Variants in SLC35F1 observed in about 807,000 individuals in gnomAD.
The protein encoded by SLC35F1 is chromosome 6 open reading frame 169.
A neutral mutation model predicts 48.7 loss-of-function variants in SLC35F1; 14 were observed. The observed-to-expected ratio is 0.29, with a 90% confidence interval of 0.19 to 0.45. The LOEUF (loss-of-function observed/expected upper bound fraction) is 0.45, where lower values mean the gene tolerates loss of function less well. Ranked by LOEUF, SLC35F1 falls within the 20% of genes least tolerant of loss-of-function variation. The pLI, the probability that SLC35F1 is intolerant of heterozygous loss-of-function variation, is 1.00. For synonymous variants in SLC35F1, 190 were observed against 202.2 expected (o/e 0.94, Z 0.51); for missense variants, 404 against 500.0 (o/e 0.81, Z 1.83).
At chr6:118,026,957 T>C (rs569323892) in intron 1 of SLC35F1, among the ~76,000 whole-genome samples, 42 of 152,240 alleles carry the variant, frequency 2.8e-4, no homozygotes, top group African/African-American at 9.9e-4. Flanking sequence ...AGTTTTCTGG[T>C]CCCTTTTGTT....
chr6:118,195,229 G>A (rs147651912), intron 2 of SLC35F1, among the ~76,000 whole-genome samples: 20 of 152,270 alleles, frequency 1.3e-4, no homozygotes, highest in Admixed American at 3.3e-4. Context: ...TGGTGCTGCC[G>A]TCTATTTCTT....
chr6:118,030,968 G>T (rs753768079), intron 1 of SLC35F1, among the ~76,000 whole-genome samples: 1 of 151,892 alleles, frequency 6.6e-6, no homozygotes, highest in Non-Finnish European at 1.5e-5. Context: ...TGAATAAACT[G>T]TAGTTTTTGA....
At chr6:118,029,857 A>T (rs556803050) in intron 1 of SLC35F1, among the ~76,000 whole-genome samples, 1 of 152,214 alleles carries the variant, frequency 6.6e-6, no homozygotes, top group Non-Finnish European at 1.5e-5. Context: ...GGGGAACTAT[A>T]GTATGCCACA....
intron 1 of SLC35F1, among the ~76,000 whole-genome samples, chr6:117,938,837 C>T (rs1263035399): frequency 6.6e-6 from 1 of 152,014 alleles, no homozygotes; most frequent in African/African-American, 2.4e-5. Context: ...TTACTGAATG[C>T]TATCCCCCTC....
At position 118,044,865 on chromosome 6, in the gene SLC35F1, C is replaced by G. The variant is rs564276747; in HGVS notation, c.174-109580C>G. ...GCACTTCATCGTGGCTCAGAATTAA[C>G]CTCTGTCTCTATGAGATGCAATCCT... On this transcript the variant is annotated intron_variant, in intron 1 of 7. Transcript: ENST00000360388. 2.6e-5 allele frequency among the ~76,000 whole-genome samples: 4 copies of G among 152,198 alleles called. No homozygotes were observed. In the South Asian group the frequency reaches 8.3e-4, roughly 32 times the overall value.
At chr6:118,055,159 G>C (rs1351228972) in intron 1 of SLC35F1, among the ~76,000 whole-genome samples, 1 of 152,052 alleles carries the variant, frequency 6.6e-6, no homozygotes, top group Non-Finnish European at 1.5e-5. Context: ...ATATTAGTAG[G>C]TGTTACTTTA....
chr6:117,914,589 A>C (rs1309236064), intron 1 of SLC35F1, among the ~76,000 whole-genome samples: 2 of 152,222 alleles, frequency 1.3e-5, no homozygotes, highest in Non-Finnish European at 2.9e-5. Context: ...CTGCTGGATC[A>C]CAATGGCTAG....
rs191308282 is a variant in SLC35F1 at position 118,065,562 on chromosome 6, A to C, written c.174-88883A>C. The stretch of plus-strand genomic sequence containing the variant: ...ATGTACCCCAAAAAGATGTACAACT[A>C]TGACATATCAATTTTTTTAAAAGCT... On this transcript the variant is annotated intron_variant, in intron 1 of 7. Coordinates refer to ENST00000360388, the MANE Select transcript of SLC35F1 (RefSeq NM_001029858.4). Among the ~76,000 whole-genome samples the C allele has an allele frequency of 6.6e-5, 10 of 152,328 alleles. 1 individual carries two copies. The highest frequency in any genetic ancestry group is 6.5e-4 in the Admixed American group (10 of 15,304).
In SLC35F1 at chr6:117,933,603, GT is replaced by G. The variant is rs144809030; in HGVS notation, c.173+25708del. Reference sequence around the variant, plus strand: ...GAGAAATTTTAGAAAAAAAAAGGATGTTTTCCTCTCTTTCAGCTTCATGGAA... The same window carrying G: ...GAGAAATTTTAGAAAAAAAAAGGATGTTTCCTCTCTTTCAGCTTCATGGAA... On this transcript the variant is annotated intron_variant, in intron 1 of 7. Coordinates refer to ENST00000360388, the MANE Select transcript of SLC35F1 (RefSeq NM_001029858.4). Among the ~76,000 whole-genome samples, 180 of 152,266 alleles carry G rather than the reference GT, an allele frequency of 1.2e-3. 2 individuals carry two copies. The East Asian group carries it at 0.03, about 25-fold the overall frequency.
intron 2 of SLC35F1, among the ~76,000 whole-genome samples, chr6:118,221,206 C>T (rs1340139021): frequency 2.0e-5 from 3 of 152,066 alleles, no homozygotes; most frequent in African/African-American, 7.2e-5. Flanking sequence ...ACAGATACTG[C>T]GCTACCCCAA....
intron 1 of SLC35F1, among the ~76,000 whole-genome samples, chr6:118,147,279 GTT>G (rs1379640457): frequency 1.3e-5 from 2 of 152,166 alleles, no homozygotes; most frequent in East Asian, 3.9e-4. Context: ...CATGAAACAG[GTT>G]CCTGCAGGAT....
At chr6:118,246,051 C>G (rs905113733) in intron 3 of SLC35F1, among the ~76,000 whole-genome samples, 2 of 152,304 alleles carry the variant, frequency 1.3e-5, no homozygotes, top group South Asian at 4.1e-4. Context: ...CCTTCCTCAT[C>G]TCCCATCCTC....
chr6:118,214,955 C>G (rs1234077117), intron 2 of SLC35F1, among the ~76,000 whole-genome samples: 1 of 152,178 alleles, frequency 6.6e-6, no homozygotes, highest in East Asian at 1.9e-4. Flanking sequence ...AAGTAATCAA[C>G]TGATAATTGA....
rs533516212 is a variant in SLC35F1, at chr6:118,165,486, A to C, written c.349+10866A>C. On this transcript the variant is annotated intron_variant, in intron 2 of 7. Coordinates refer to ENST00000360388, the MANE Select transcript of SLC35F1 (RefSeq NM_001029858.4). ...ACTCCCAAGTTACTATTCTTTGCTC[A>C]AGAAAAGGCTCAGAGCACTAGGGTA... Among the ~76,000 whole-genome samples, 7 of 152,334 alleles carry C rather than the reference A, an allele frequency of 4.6e-5. No individual in the cohort carries two copies. In the South Asian group the frequency reaches 1.4e-3, roughly 32 times the overall value.
chr6:118,268,612 T>A (rs1281659595), intron 4 of SLC35F1, among the ~76,000 whole-genome samples: 1,706 of 98,680 alleles, frequency 0.017, 53 homozygotes, highest in African/African-American at 0.053. Context: ...TTTTTTTTTT[T>A]TTTTTTTTTT....
chr6:118,045,380 GTTTA>G, intron 1 of SLC35F1, among the ~76,000 whole-genome samples: 1 of 152,294 alleles, frequency 6.6e-6, no homozygotes, highest in East Asian at 1.9e-4. Context: ...GATATATGCT[GTTTA>G]TGGACAGGGA....
intron 2 of SLC35F1, among the ~76,000 whole-genome samples, chr6:118,174,212 G>C (rs751936749): frequency 1.3e-5 from 2 of 152,118 alleles, no homozygotes; most frequent in Non-Finnish European, 2.9e-5. Context: ...GTGACACATG[G>C]TCAAGAGAGA....
chr6:117,994,171 C>A (rs1485424642), intron 1 of SLC35F1, among the ~76,000 whole-genome samples: 4 of 150,600 alleles, frequency 2.7e-5, no homozygotes, highest in Non-Finnish European at 4.4e-5. Flanking sequence ...TCTCTCAGCT[C>A]CTGAAGGCCA....
intron 1 of SLC35F1, among the ~76,000 whole-genome samples, chr6:118,112,082 C>CTTTATTTTCTTTTCTTTTCTTTTCT (rs1169093414): frequency 1.5e-5 from 2 of 131,734 alleles, no homozygotes; most frequent in Admixed American, 7.7e-5. Context: ...TTCTTTATTT[C>CTTTATTTTCTTTTCTTTTCTTTTCT]TTTCTTTTCT....
Sources: gnomAD v4.1 joint callset for allele counts (sites outside exome capture counted in the v4.1 genomes callset) on GRCh38, gnomAD v4.1.1 for gene constraint, MANE v1.5 for transcripts, NCBI Gene and HGNC (gene_info 2026-07-23, HGNC 2026-07-21) for gene names.